The following SEMA3A variants were observed in gnomAD, a reference collection of about 807,000 sequenced individuals.
SEMA3A encodes semaphorin 3A.
SEMA3A carries 29 observed loss-of-function variants against 97.9 expected under a neutral mutation model. The observed-to-expected ratio is 0.30, with a 90% CI of 0.22 to 0.40. The LOEUF is 0.40. SEMA3A is among the 10% of genes least tolerant of loss of function. The pLI is 1.00. For synonymous variants in SEMA3A, 321 were observed against 323.7 expected (o/e 0.99, Z 0.09); for missense variants, 763 against 951.3 (o/e 0.80, Z 2.60).
intron 1 of SEMA3A, among the ~76,000 whole-genome samples, chr7:84,380,897 C>A (rs980631094): frequency 1.3e-5 from 2 of 152,182 alleles, no homozygotes; most frequent in African/African-American, 4.8e-5. Context: ...AGGTTCTCTG[C>A]TTAAGGAACT....
chr7:84,094,701 T>G (rs1444338283), intron 4 of SEMA3A, among the ~76,000 whole-genome samples: 1 of 152,086 alleles, frequency 6.6e-6, no homozygotes, highest in East Asian at 1.9e-4. Flanking sequence ...CCACCACCGC[T>G]AACAACTAAA....
chr7:84,205,140 A>G (rs1476748564), intron 3 of SEMA3A, among the ~76,000 whole-genome samples: 1 of 152,216 alleles, frequency 6.6e-6, no homozygotes, highest in Non-Finnish European at 1.5e-5. Context: ...AACTTTAGGA[A>G]GCAGAGAAGT....
chr7:84,319,126 G>T (rs1042427081), intron 2 of SEMA3A, among the ~76,000 whole-genome samples: 3 of 152,080 alleles, frequency 2.0e-5, no homozygotes, highest in African/African-American at 7.2e-5. Context: ...CACTGTACAG[G>T]TAAGAAAATG....
chr7:84,064,133 G>T (rs917825042), intron 4 of SEMA3A, among the ~76,000 whole-genome samples: 1 of 152,114 alleles, frequency 6.6e-6, no homozygotes, highest in African/African-American at 2.4e-5. Flanking sequence ...TTAAAGAAAA[G>T]AATTTTCAAC....
At chr7:83,993,101 T>G (rs1474464576) in intron 12 of SEMA3A, among the ~76,000 whole-genome samples, 1 of 143,692 alleles carries the variant, frequency 7.0e-6, no homozygotes, top group African/African-American at 2.6e-5. Context: ...TGATCTTTGT[T>G]GGTTTCAAGT....
intron 5 of SEMA3A, among the ~76,000 whole-genome samples, chr7:84,058,341 TAA>T (rs1266378496): frequency 1.3e-5 from 2 of 152,194 alleles, no homozygotes; most frequent in Non-Finnish European, 2.9e-5. Context: ...CCCTTGTATG[TAA>T]AAGAGTTTGG....
chr7:84,286,720 C>A (rs1254934353), intron 3 of SEMA3A, among the ~76,000 whole-genome samples: 1 of 152,124 alleles, frequency 6.6e-6, no homozygotes, highest in African/African-American at 2.4e-5. Flanking sequence ...CAAAAAAAAC[C>A]CCTTTCCATC....
rs142625509 is a variant in SEMA3A, at chr7:84,430,341, A to G, written c.-245-58441T>C. On this transcript the variant is annotated intron_variant, in intron 1 of 3. Coordinates refer to the SEMA3A transcript ENST00000424555. ...TGAGACATACTTATTAACCAAATATAGTTAACTAAATAACACACTTTCTAA... is the reference window on the plus strand; with the variant it reads ...TGAGACATACTTATTAACCAAATATGGTTAACTAAATAACACACTTTCTAA... Among the ~76,000 whole-genome samples the G allele has an allele frequency of 1.2e-3, 189 of 152,148 alleles. 2 individuals are homozygous for G. Among genetic ancestry groups the G allele is most frequent in the African/African-American group, 4.5e-3 (187 of 41,558 alleles).
At chr7:84,290,262 T>G (rs917768553) in intron 3 of SEMA3A, among the ~76,000 whole-genome samples, 2 of 151,952 alleles carry the variant, frequency 1.3e-5, no homozygotes, top group African/African-American at 4.8e-5. Flanking sequence ...AATAAAGCTG[T>G]TTTTACAACC....
intron 1 of SEMA3A, among the ~76,000 whole-genome samples, chr7:84,426,090 G>C (rs1027041217): frequency 6.6e-6 from 1 of 151,820 alleles, no homozygotes; most frequent in African/African-American, 2.4e-5. Context: ...AAGGGTGGGA[G>C]GGGCGTGAGG....
At chr7:84,279,858 C>T (rs2115737354) in intron 3 of SEMA3A, among the ~76,000 whole-genome samples, 1 of 152,188 alleles carries the variant, frequency 6.6e-6, no homozygotes, top group Non-Finnish European at 1.5e-5. Flanking sequence ...ATTTTTCTGT[C>T]TCTTGACCAG....
chr7:84,369,956 G>A (rs973301209), intron 2 of SEMA3A, among the ~76,000 whole-genome samples: 4 of 151,058 alleles, frequency 2.6e-5, no homozygotes, highest in Admixed American at 1.3e-4. Context: ...GGACATATAA[G>A]CTTTTGTCAA....
intron 12 of SEMA3A, among the ~76,000 whole-genome samples, chr7:84,000,925 A>C (rs1790417999): frequency 6.6e-6 from 1 of 152,116 alleles, no homozygotes; most frequent in Non-Finnish European, 1.5e-5. Context: ...TAAAATATTG[A>C]ATCAACTGAA....
chr7:84,228,151 A>G (rs1306662366), intron 3 of SEMA3A, among the ~76,000 whole-genome samples: 1 of 152,018 alleles, frequency 6.6e-6, no homozygotes, highest in East Asian at 1.9e-4. Context: ...GAGTACAATG[A>G]GCTAGGATGA....
At chr7:84,182,519 A>C (rs2116240627) in intron 1 of SEMA3A, among the ~76,000 whole-genome samples, 1 of 152,270 alleles carries the variant, frequency 6.6e-6, no homozygotes, top group South Asian at 2.1e-4. Flanking sequence ...CCTTTCCTGA[A>C]GAAACAGGTG....
At chr7:84,061,523 G>C (rs376229595) in intron 4 of SEMA3A, among the ~76,000 whole-genome samples, 34 of 152,210 alleles carry the variant, frequency 2.2e-4, no homozygotes, top group African/African-American at 7.0e-4. Context: ...TTTTCCAGTA[G>C]TACATTAAGT....
intron 3 of SEMA3A, among the ~76,000 whole-genome samples, chr7:84,284,416 G>A (rs1584200736): frequency 6.6e-6 from 1 of 152,014 alleles, no homozygotes; most frequent in Non-Finnish European, 1.5e-5. Context: ...TTGAAATACT[G>A]AAACAAAGAC....
intron 1 of SEMA3A, chr7:84,489,285 T>C (rs1327362383): frequency 1.3e-5 from 2 of 151,974 alleles, no homozygotes; most frequent in Non-Finnish European, 2.9e-5. Context: ...GATTCAATTA[T>C]CTCCACCTGG....
At chr7:84,337,988 C>T (rs1237328240) in intron 2 of SEMA3A, among the ~76,000 whole-genome samples, 1 of 151,944 alleles carries the variant, frequency 6.6e-6, no homozygotes, top group Non-Finnish European at 1.5e-5. Flanking sequence ...AAAGGTCTGA[C>T]AAAAGCTTTA....
Sources: gnomAD v4.1 joint callset for allele counts (sites outside exome capture counted in the v4.1 genomes callset) on GRCh38, gnomAD v4.1.1 for gene constraint, MANE v1.5 for transcripts, NCBI Gene and HGNC (gene_info 2026-07-23, HGNC 2026-07-21) for gene names.